Variants in CHODL observed in about 807,000 individuals in gnomAD.
The protein encoded by CHODL is chondrolectin.
Under a neutral mutation model 34.5 loss-of-function variants are expected in CHODL, and 29 were observed. The ratio of observed to expected loss-of-function variants is 0.84; its 90% confidence interval spans 0.63 to 1.15. The LOEUF is 1.15. CHODL is among the 50% of genes most tolerant of loss of function. CHODL has a pLI of 0.00. For synonymous variants in CHODL, 125 were observed against 116.1 expected (o/e 1.08, Z -0.49); for missense variants, 332 against 332.5 (o/e 1.00, Z 0.01).
chr21:17,955,281 A>G (rs2063487467), intron 1 of CHODL, among the ~76,000 whole-genome samples: 1 of 137,612 alleles, frequency 7.3e-6, no homozygotes, highest in Non-Finnish European at 1.7e-5. Context: ...TCATGATTGC[A>G]GGTGGCATTA....
intron 2 of CHODL, among the ~76,000 whole-genome samples, chr21:18,104,571 G>C (rs1450371969): frequency 1.3e-5 from 2 of 152,016 alleles, no homozygotes; most frequent in Non-Finnish European, 2.9e-5. Flanking sequence ...AATACCCAAG[G>C]CTCAAACCAT....
intron 2 of CHODL, among the ~76,000 whole-genome samples, chr21:18,187,337 T>C (rs1601121913): frequency 6.6e-6 from 1 of 152,092 alleles, no homozygotes; most frequent in African/African-American, 2.4e-5. Context: ...GGACTGTATG[T>C]CCCATGTCAA....
At chr21:18,129,366 C>T (rs775837196) in intron 2 of CHODL, among the ~76,000 whole-genome samples, 29 of 151,952 alleles carry the variant, frequency 1.9e-4, no homozygotes, top group Non-Finnish European at 3.7e-4. Flanking sequence ...CATGACAAGC[C>T]TTATTAATTT....
intron 1 of CHODL, among the ~76,000 whole-genome samples, chr21:17,925,184 T>G (rs2063213369): frequency 6.6e-6 from 1 of 152,126 alleles, no homozygotes; most frequent in Non-Finnish European, 1.5e-5. Context: ...CTCTGTAAAT[T>G]CCACCTGATG....
chr21:17,930,042 C>A (rs1392082808), intron 1 of CHODL, among the ~76,000 whole-genome samples: 2 of 152,174 alleles, frequency 1.3e-5, no homozygotes, highest in Non-Finnish European at 2.9e-5. Context: ...GCCCAGCCCC[C>A]AGAGGCCTGC....
At chr21:18,263,038 G>T (rs2074401818) in intron 5 of CHODL, 145 bp downstream of exon 5, 1 of 572,064 alleles carries the variant, frequency 1.7e-6, no homozygotes, top group South Asian at 2.3e-5. Context: ...TATACATTGA[G>T]GATAGAATTA....
intron 2 of CHODL, among the ~76,000 whole-genome samples, chr21:18,219,835 C>T (rs2073865761): frequency 6.6e-6 from 1 of 151,696 alleles, no homozygotes; most frequent in Non-Finnish European, 1.5e-5. Flanking sequence ...TTATTAGTCC[C>T]CTGTCAAATA....
At chr21:18,173,215 T>C (rs1344819245) in intron 2 of CHODL, among the ~76,000 whole-genome samples, 1 of 152,224 alleles carries the variant, frequency 6.6e-6, no homozygotes, top group Non-Finnish European at 1.5e-5. Flanking sequence ...TTACACCTTC[T>C]GAATCTCTTC....
At chr21:18,165,844 A>G (rs552149717) in intron 2 of CHODL, among the ~76,000 whole-genome samples, 80 of 152,372 alleles carry the variant, frequency 5.3e-4, no homozygotes, top group Admixed American at 9.1e-4. Flanking sequence ...TTTAGAAAAT[A>G]CTACCTGCTA....
intron 2 of CHODL, among the ~76,000 whole-genome samples, chr21:18,088,861 T>C (rs2065038880): frequency 6.6e-6 from 1 of 152,200 alleles, no homozygotes; most frequent in African/African-American, 2.4e-5. Flanking sequence ...AGTGACTAGA[T>C]TGCCAGTGAG....
At chr21:18,207,777 T>A (rs1415438718) in intron 2 of CHODL, among the ~76,000 whole-genome samples, 2 of 151,184 alleles carry the variant, frequency 1.3e-5, no homozygotes, top group Non-Finnish European at 2.9e-5. Context: ...ACTTTAAATA[T>A]CTCATGCCAC....
intron 2 of CHODL, among the ~76,000 whole-genome samples, chr21:18,050,175 C>G (rs963129914): frequency 6.6e-6 from 1 of 151,838 alleles, no homozygotes; most frequent in Non-Finnish European, 1.5e-5. Flanking sequence ...AAACACTCCA[C>G]AGAGGGACAT....
rs34024669 is a variant in CHODL, at chr21:18,008,312, TTGTGTG to T, written c.-144-19542_-144-19537del. 9.0e-3 allele frequency among the ~76,000 whole-genome samples: 1,333 copies of T among 148,714 alleles called. 24 individuals are homozygous for T. The highest frequency in any genetic ancestry group is 0.027 in the Middle Eastern group (8 of 294). On this transcript the variant is annotated intron_variant, in intron 1 of 6. Transcript: ENST00000400127. ...TTATAATCTCCAAAAATTTCTTTGT[TTGTGTG>T]TGTGTGTGTGTGTGTGTTGTAACAA...
intron 2 of CHODL, among the ~76,000 whole-genome samples, chr21:18,082,649 A>T (rs1160023545): frequency 6.6e-6 from 1 of 152,206 alleles, no homozygotes; most frequent in Non-Finnish European, 1.5e-5. Flanking sequence ...ACTGTAGTAA[A>T]GGTCACTCTT....
upstream of CHODL, among the ~76,000 whole-genome samples, chr21:18,240,070 G>T (rs1348621148): frequency 1.3e-5 from 2 of 151,956 alleles, no homozygotes; most frequent in Non-Finnish European, 2.9e-5. Context: ...ACTTCTTTGA[G>T]TATGAAGCCC....
At chr21:18,014,387 A>G (rs561792067) in intron 1 of CHODL, among the ~76,000 whole-genome samples, 2 of 152,364 alleles carry the variant, frequency 1.3e-5, no homozygotes, top group Admixed American at 1.3e-4. Context: ...ACAGAAAATG[A>G]AATACCACAC....
chr21:18,148,205 A>G (rs1363323771), intron 2 of CHODL, among the ~76,000 whole-genome samples: 1 of 152,162 alleles, frequency 6.6e-6, no homozygotes, highest in Non-Finnish European at 1.5e-5. Flanking sequence ...AGAGATTTTT[A>G]TATTGAAGAA....
chr21:18,120,387 A>G (rs1291360111), intron 2 of CHODL, among the ~76,000 whole-genome samples: 1 of 152,096 alleles, frequency 6.6e-6, no homozygotes, highest in Non-Finnish European at 1.5e-5. Flanking sequence ...TGGAGAAATA[A>G]TATTGTCTAA....
At chr21:18,167,010 T>C (rs1446119883) in intron 2 of CHODL, among the ~76,000 whole-genome samples, 2 of 152,000 alleles carry the variant, frequency 1.3e-5, no homozygotes, top group Non-Finnish European at 2.9e-5. Flanking sequence ...GATTTCTTAA[T>C]TTTTTTTAGA....
Sources: allele counts gnomAD v4.1 joint callset (sites outside exome capture counted in the v4.1 genomes callset), GRCh38; gene constraint gnomAD v4.1.1; transcripts MANE v1.5; gene names NCBI Gene and HGNC (gene_info 2026-07-23, HGNC 2026-07-21).